DYNC2LI1: variants seen among roughly 807,000 people sequenced by gnomAD.
DYNC2LI1 encodes the protein dynein cytoplasmic 2 light intermediate chain 1, also known as cytoplasmic dynein 2 light intermediate chain 1.
A neutral mutation model predicts 51.9 loss-of-function variants in DYNC2LI1; 45 were observed. The observed-to-expected ratio is 0.87, with a 90% CI of 0.68 to 1.11. The LOEUF (loss-of-function observed/expected upper bound fraction) is 1.11. Ranked by LOEUF, DYNC2LI1 falls within the 50% of genes most tolerant of loss-of-function variation. The pLI is 0.00. For missense variants in DYNC2LI1, 490 were observed against 417.4 expected (o/e 1.17, Z -1.51); for synonymous variants, 130 against 137.8 (o/e 0.94, Z 0.40).
At chr2:43,818,780 C>T in the DYNC2LI1 span, among the ~76,000 whole-genome samples, 21 of 152,328 alleles carry the variant, frequency 1.4e-4, no homozygotes, top group Admixed American at 9.8e-4. Context: ...TATCTCACTT[C>T]GTATAACTCA....
At chr2:43,784,489 G>A (rs986696030) in intron 3 of DYNC2LI1, among the ~76,000 whole-genome samples, 1 of 151,878 alleles carries the variant, frequency 6.6e-6, no homozygotes, top group African/African-American at 2.4e-5. Flanking sequence ...GCCCAGGCTG[G>A]AGTGCAATGG....
the DYNC2LI1 span, among the ~76,000 whole-genome samples, chr2:43,816,710 A>G: frequency 6.6e-6 from 1 of 152,150 alleles, no homozygotes; most frequent in Admixed American, 6.5e-5. Flanking sequence ...CACCCACCTA[A>G]TTCATATTAT....
At position 43,800,859 on chromosome 2, in the gene DYNC2LI1, G is replaced by C; in HGVS notation, c.673G>C (p.Ala225Pro). The change falls in exon 9 of 13, where the codon GCT (alanine) becomes CCT (proline). Residue 225 changes from alanine to proline, a missense_variant. By Grantham distance (27) the Ala-to-Pro change is conservative. Transcript: ENST00000260605. ...TTTAAAGTTTACCAGTAAATCAGAA[G>C]CTCTATTACTAAAAATACGTGGAGT... ...ASLMFTSKSE[A>P]LLLKIRGVIN... 1 of 1,597,510 alleles carries C rather than the reference G, an allele frequency of 6.3e-7. No homozygotes were observed. The highest frequency in any genetic ancestry group is 1.3e-5 in the African/African-American group (1 of 74,388).
At chr2:43,782,763 G>A (rs1013929853) in intron 2 of DYNC2LI1, among the ~76,000 whole-genome samples, 1 of 151,958 alleles carries the variant, frequency 6.6e-6, no homozygotes, top group East Asian at 1.9e-4. Context: ...GGGCAGATTA[G>A]ATGAGGCCAG....
chr2:43,823,111 G>A, the DYNC2LI1 span, among the ~76,000 whole-genome samples: 105 of 137,652 alleles, frequency 7.6e-4, no homozygotes, highest in African/African-American at 2.5e-3. Context: ...TCCCCACCCC[G>A]GAAATCTACA....
chr2:43,795,933 T>C lies in DYNC2LI1; in HGVS notation c.551T>C (p.Ile184Thr), dbSNP rs1265454432. 3.1e-6 allele frequency: 5 copies of C among 1,613,468 alleles called. No individual in the cohort carries two copies. The highest frequency in any genetic ancestry group is 2.7e-5 in the African/African-American group (2 of 75,018). The change falls in exon 7 of 13, where the codon ATT (isoleucine) becomes ACT (threonine). Residue 184 changes from isoleucine to threonine, a missense_variant. Physicochemically the swap from Ile to Thr is moderately conservative, Grantham distance 89. Transcript: ENST00000260605. Reference protein sequence around the residue: ...IDPFPVPLVIIGSKYDVFQDF... With the variant: ...IDPFPVPLVITGSKYDVFQDF... ...CCATTTCCGGTACCTCTGGTCATAA[T>C]TGGAAGTAAATATGATGTTTTTCAG...
At position 43,804,622 on chromosome 2, in the gene DYNC2LI1, G is replaced by A; in HGVS notation, c.803-20G>A. On this transcript the variant is annotated intron_variant, in intron 10 of 12. Transcript: ENST00000260605. ...TATTTTAATCATTGCAGTCATTTGT[G>A]GTAAAACTTGCTATTTTAGGATCTC... is the stretch of plus-strand genomic sequence containing the variant. 6.8e-7 allele frequency: 1 copy of A among 1,478,036 alleles called. No homozygotes were observed. The highest frequency in any genetic ancestry group is 9.2e-7 in the Non-Finnish European group (1 of 1,083,486). The allele number at this position is 1,478,036 out of a possible 1,614,324, so 91.6% of individuals were successfully genotyped here.
intron 3 of DYNC2LI1, among the ~76,000 whole-genome samples, chr2:43,784,784 ATTTTC>A (rs1326259900): frequency 1.3e-5 from 2 of 152,036 alleles, no homozygotes; most frequent in Non-Finnish European, 2.9e-5. Flanking sequence ...GAAAAGGTTA[ATTTTC>A]TAAAATATAG....
rs538775396 is a variant in DYNC2LI1 at position 43,802,467 on chromosome 2, A to G, written c.802+758A>G. ...ATATAGAAATCTTTGTAATGAGATT[A>G]TAGATTAATTGGAATGAAAGGAATG... On this transcript the variant is annotated intron_variant, in intron 10 of 12. Transcript: ENST00000260605. 4.0e-5 allele frequency among the ~76,000 whole-genome samples: 6 copies of G among 151,358 alleles called. No individual in the cohort carries two copies. The South Asian group carries it at 1.0e-3, about 26-fold the overall frequency.
chr2:43,787,305 C>T lies in DYNC2LI1; in HGVS notation c.231+55C>T, dbSNP rs540934185. On this transcript the variant is annotated intron_variant, in intron 4 of 12. Coordinates refer to ENST00000260605, the MANE Select transcript of DYNC2LI1 (RefSeq NM_016008.4). ...GCCCATAGATGGGAAAGTAATGCTG[C>T]TGACTTTGTTTTACATTTTCCATCT... is the stretch of plus-strand genomic sequence containing the variant. 711 of 1,421,700 alleles carry T rather than the reference C, an allele frequency of 5.0e-4. 2 individuals carry two copies. Among genetic ancestry groups the T allele is most frequent in the Non-Finnish European group, 2.1e-4 (214 of 1,011,944 alleles). 88.1% of individuals were successfully genotyped at this position (1,421,700 alleles called of 1,614,324 possible).
intron 1 of DYNC2LI1, chr2:43,775,820 T>C (rs779148034): frequency 2.5e-5 from 6 of 242,212 alleles, no homozygotes; most frequent in Non-Finnish European, 4.8e-5. Flanking sequence ...CCTGAGTAGC[T>C]GGAGTTACAG....
At chr2:43,816,442 GAA>G in the DYNC2LI1 span, among the ~76,000 whole-genome samples, 3 of 150,654 alleles carry the variant, frequency 2.0e-5, no homozygotes, top group Non-Finnish European at 3.0e-5. Context: ...CGGAGAGAGA[GAA>G]ATGGATCAGT....
chr2:43,821,171 T>C, the DYNC2LI1 span, among the ~76,000 whole-genome samples: 1 of 152,214 alleles, frequency 6.6e-6, no homozygotes, highest in African/African-American at 2.4e-5. Context: ...ACTTTTCCTC[T>C]GTACAAATCA....
downstream of DYNC2LI1, among the ~76,000 whole-genome samples, chr2:43,814,069 G>A (rs78584484): frequency 0.01 from 1,541 of 152,112 alleles, 15 homozygotes; most frequent in Non-Finnish European, 0.015. Context: ...ACTTCCATCT[G>A]GTGGGATTGA....
chr2:43,795,116 T>C (rs1673971810), intron 6 of DYNC2LI1: 9 of 996,898 alleles, frequency 9.0e-6, no homozygotes, highest in African/African-American at 1.7e-5. Flanking sequence ...AATTAAATTA[T>C]AAAGTTGCTA....
chr2:43,822,031 C>G, the DYNC2LI1 span, among the ~76,000 whole-genome samples: 2 of 152,134 alleles, frequency 1.3e-5, no homozygotes, highest in Non-Finnish European at 2.9e-5. Flanking sequence ...CATCTACTCT[C>G]AATCTGATGT....
At chr2:43,825,114 A>G in the DYNC2LI1 span, 1 of 1,471,502 alleles carries the variant, frequency 6.8e-7, no homozygotes, top group Non-Finnish European at 9.3e-7. Flanking sequence ...AAGGTCAGGT[A>G]TTCCTTATGG....
chr2:43,776,973 A>G (rs1673056005), intron 2 of DYNC2LI1, 74 bp downstream of exon 2: 1 of 791,132 alleles, frequency 1.3e-6, no homozygotes, highest in African/African-American at 1.8e-5. Context: ...TACTTTGATT[A>G]AAATGTAGAT....
At chr2:43,824,396 C>T in the DYNC2LI1 span, 78 of 1,614,048 alleles carry the variant, frequency 4.8e-5, no homozygotes, top group Non-Finnish European at 6.2e-5. Context: ...TTCTATTTCC[C>T]GTTCCTTGCT....
Sources: allele counts gnomAD v4.1 joint callset (sites outside exome capture counted in the v4.1 genomes callset), GRCh38; gene constraint gnomAD v4.1.1; transcripts MANE v1.5; gene names NCBI Gene and HGNC (gene_info 2026-07-23, HGNC 2026-07-21).